The following UBXN8 variants were observed in gnomAD, a reference collection of about 807,000 sequenced individuals.
UBXN8 encodes UBX domain protein 8.
Under a neutral mutation model 32.1 loss-of-function variants are expected in UBXN8, and 27 were observed. The ratio of observed to expected loss-of-function variants is 0.84; its 90% CI spans 0.62 to 1.16. The LOEUF (loss-of-function observed/expected upper bound fraction) is 1.16, where lower values mean the gene tolerates loss of function less well. Among genes scored for constraint, UBXN8 ranks in the 50% most tolerant of loss-of-function variants. The pLI is 0.00. For synonymous variants in UBXN8, 109 were observed against 111.8 expected (o/e 0.98, Z 0.16); for missense variants, 306 against 311.4 (o/e 0.98, Z 0.13).
At chr8:30,744,510 A>G (rs1805309731) in intron 1 of UBXN8, 1 of 561,720 alleles carries the variant, frequency 1.8e-6, no homozygotes, top group Non-Finnish European at 3.2e-6. Flanking sequence ...CACAGGGGCA[A>G]TCATAGACAG....
In UBXN8 at chr8:30,766,363, T is replaced by G. The variant is rs752348551; in HGVS notation, c.782T>G (p.Leu261Arg). The G allele has an allele frequency of 1.2e-6, 2 of 1,611,474 alleles. No individual in the cohort carries two copies. The highest frequency in any genetic ancestry group is 1.7e-6 in the Non-Finnish European group (2 of 1,178,590). Reference sequence around the variant, plus strand: ...ATAGGAATAACTGTGGACACTGTACTCATCCTGGAGGAGAAGGAGCAGACC... The same window carrying G: ...ATAGGAATAACTGTGGACACTGTACGCATCCTGGAGGAGAAGGAGCAGACC... ...EDIGITVDTVLILEEKEQTN is the reference protein window; with the variant it reads ...EDIGITVDTVRILEEKEQTN The change falls in exon 8 of 8, where the codon CTC becomes CGC. Residue 261 changes from leucine to arginine, a missense_variant. Coordinates refer to ENST00000265616, the MANE Select transcript of UBXN8 (RefSeq NM_005671.4).
intron 4 of UBXN8, among the ~76,000 whole-genome samples, chr8:30,755,155 C>A (rs1805623311): frequency 6.6e-6 from 1 of 151,918 alleles, no homozygotes; most frequent in Non-Finnish European, 1.5e-5. Flanking sequence ...TGGGGTCTCA[C>A]CGTGTTAGCC....
At chr8:30,760,813 T>A (rs781127296) in intron 5 of UBXN8, 75 bp from the exon 6 acceptor site, 43 of 904,114 alleles carry the variant, frequency 4.8e-5, no homozygotes, top group Non-Finnish European at 7.2e-5. Context: ...AACTCTGTAT[T>A]GAGAGGAACT....
chr8:30,743,797 C>T (rs998420457), upstream of UBXN8, among the ~76,000 whole-genome samples: 103 of 152,330 alleles, frequency 6.8e-4, no homozygotes, highest in South Asian at 4.1e-4. Context: ...CCTATACGGC[C>T]ACAAGGCCGG....
chr8:30,738,972 G>T (rs938166892), intron 1 of UBXN8, among the ~76,000 whole-genome samples: 3 of 150,274 alleles, frequency 2.0e-5, no homozygotes, highest in Non-Finnish European at 3.0e-5. Context: ...AGGCTTTTTT[G>T]TTGTTGTTGC....
chr8:30,754,610 C>T, intron 3 of UBXN8, 55 bp from the exon 4 acceptor site: 2 of 1,506,830 alleles, frequency 1.3e-6, no homozygotes, highest in Non-Finnish European at 1.8e-6. Context: ...AGACAGTGTA[C>T]ATTTTTAGGA....
chr8:30,761,924 G>A (rs1805842824), intron 6 of UBXN8, among the ~76,000 whole-genome samples: 1 of 151,962 alleles, frequency 6.6e-6, no homozygotes, highest in Non-Finnish European at 1.5e-5. Context: ...TCCTGTCACT[G>A]GCCACCCAAC....
chr8:30,756,243 T>A (rs1329741791), intron 4 of UBXN8: 1 of 153,924 alleles, frequency 6.5e-6, no homozygotes, highest in Admixed American at 6.4e-5. Context: ...TAGGCTCAAG[T>A]GATTTTCCTG....
intron 3 of UBXN8, among the ~76,000 whole-genome samples, chr8:30,753,853 G>A (rs935624744): frequency 2.8e-5 from 4 of 141,814 alleles, no homozygotes; most frequent in African/African-American, 8.0e-5. Flanking sequence ...CCTCACTGTC[G>A]CCTCAAATTC....
At chr8:30,754,893 A>T in intron 4 of UBXN8, 106 bp downstream of exon 4, 2 of 1,320,312 alleles carry the variant, frequency 1.5e-6, no homozygotes, top group Non-Finnish European at 2.0e-6. Context: ...AGGAGTTTTT[A>T]TTGATAATGA....
chr8:30,729,373 C>T (rs983460020), upstream of UBXN8, among the ~76,000 whole-genome samples: 1 of 152,246 alleles, frequency 6.6e-6, no homozygotes, highest in Admixed American at 6.5e-5. Flanking sequence ...AACTTGCCCA[C>T]TCCATTTGAG....
rs1196366158 is a variant in UBXN8, at chr8:30,760,443, A to ATATT, written c.529-444_529-443insATTT. On this transcript the variant is annotated intron_variant, in intron 5 of 7. Coordinates refer to ENST00000265616, the MANE Select transcript of UBXN8 (RefSeq NM_005671.4). ...ATCATATATATATATATATATATAT[A>ATATT]TTTTTTTTTTTTTTTAAAGTGACAG... 1.1e-3 allele frequency among the ~76,000 whole-genome samples: 103 copies of ATATT among 91,088 alleles called. 3 individuals carry two copies. Among genetic ancestry groups the ATATT allele is most frequent in the East Asian group, 2.1e-3 (7 of 3,360 alleles). The allele number at this position is 91,088 out of a possible 152,430, so 59.8% of individuals were successfully genotyped here.
chr8:30,754,733 C>CT lies in UBXN8; in HGVS notation c.355dup (p.Tyr119LeufsTer6), dbSNP rs777970226. On this transcript the variant is annotated frameshift_variant, in exon 4 of 8. Coordinates refer to ENST00000265616, the MANE Select transcript of UBXN8 (RefSeq NM_005671.4). LOFTEE classifies it high-confidence loss of function. ...TGAAATTGAGAAAACTGGAGGAGCG[C>CT]TTTTATCAAATGACGGGTGAAGCCT... 2 of 1,563,684 alleles carry CT rather than the reference C, an allele frequency of 1.3e-6. No homozygotes were observed. The highest frequency in any genetic ancestry group is 1.2e-5 in the South Asian group (1 of 80,630).
intron 5 of UBXN8, 135 bp from the exon 6 acceptor site, chr8:30,760,753 C>G: frequency 1.6e-6 from 1 of 619,374 alleles, no homozygotes; most frequent in East Asian, 3.2e-5. Context: ...ATTATAAACT[C>G]TTTATAGATG....
chr8:30,748,132 CTT>C (rs1047300119), intron 1 of UBXN8, among the ~76,000 whole-genome samples: 1 of 143,422 alleles, frequency 7.0e-6, no homozygotes. Context: ...AATTTTTTTT[CTT>C]TTTTTTTTTG....
intron 6 of UBXN8, among the ~76,000 whole-genome samples, chr8:30,761,248 CTT>C (rs1165325480): frequency 5.6e-5 from 8 of 144,024 alleles, no homozygotes; most frequent in East Asian, 2.0e-4. Context: ...GCTGAGTTGT[CTT>C]TTTTTTTTTT....
At chr8:30,743,457 A>C (rs1805261525), upstream of UBXN8, among the ~76,000 whole-genome samples, 1 of 152,132 alleles carries the variant, frequency 6.6e-6, no homozygotes, top group African/African-American at 2.4e-5. Flanking sequence ...CCTGGCCAGG[A>C]AAGATAATTT....
At chr8:30,759,790 A>T (rs1453885003) in intron 5 of UBXN8, among the ~76,000 whole-genome samples, 1 of 150,680 alleles carries the variant, frequency 6.6e-6, no homozygotes, top group Non-Finnish European at 1.5e-5. Flanking sequence ...CCCTATCTCT[A>T]CTAAAAAATA....
intron 1 of UBXN8, among the ~76,000 whole-genome samples, chr8:30,744,739 A>T (rs187283024): frequency 6.6e-6 from 1 of 152,130 alleles, no homozygotes; most frequent in Admixed American, 6.6e-5. Flanking sequence ...GCCCGGCCCT[A>T]GGTTTAAATA....
Sources: gnomAD v4.1 joint callset for allele counts (sites outside exome capture counted in the v4.1 genomes callset) on GRCh38, gnomAD v4.1.1 for gene constraint, MANE v1.5 for transcripts, NCBI Gene and HGNC (gene_info 2026-07-23, HGNC 2026-07-21) for gene names.